SHOC1: variants seen among roughly 807,000 people sequenced by gnomAD.
The protein encoded by SHOC1 is shortage in chiasmata 1.
A neutral mutation model predicts 179.2 loss-of-function variants in SHOC1; 136 were observed. The ratio of observed to expected loss-of-function variants is 0.76; its 90% CI spans 0.66 to 0.87. SHOC1 has a LOEUF of 0.87. SHOC1 is among the 40% of genes least tolerant of loss of function. SHOC1 has a pLI of 0.00. For missense variants in SHOC1, 1,538 were observed against 1,700.8 expected (o/e 0.90, Z 1.68); for synonymous variants, 489 against 586.6 (o/e 0.83, Z 2.41).
In SHOC1 at chr9:111,713,176, G is replaced by C. The variant is rs1305987034; in HGVS notation, c.2416-4C>G. 6.8e-7 allele frequency: 1 copy of C among 1,478,710 alleles called. No individual in the cohort carries two copies. Among genetic ancestry groups the C allele is most frequent in the Non-Finnish European group, 9.3e-7 (1 of 1,078,180 alleles). The allele number at this position is 1,478,710 out of a possible 1,614,324, so 91.6% of individuals were successfully genotyped here. ...CCATTCTTATTATAATCAGTACCTAGTCAAAAATAAAAATTTCATATATAT... is the reference window on the plus strand; with the variant it reads ...CCATTCTTATTATAATCAGTACCTACTCAAAAATAAAAATTTCATATATAT... On this transcript the variant is annotated splice_region_variant and splice_polypyrimidine_tract_variant and intron_variant, in intron 17 of 27. Transcript: ENST00000682961.
At chr9:111,715,249 T>TAC (rs369573164) in intron 16 of SHOC1, among the ~76,000 whole-genome samples, 31 of 152,206 alleles carry the variant, frequency 2.0e-4, no homozygotes, top group African/African-American at 6.0e-4. Context: ...TCACCAGAGT[T>TAC]ACCACCAGAG....
intron 20 of SHOC1, among the ~76,000 whole-genome samples, 199 bp from the exon 21 acceptor site, chr9:111,705,563 A>G (rs1390999996): frequency 1.3e-5 from 2 of 151,984 alleles, no homozygotes; most frequent in African/African-American, 4.8e-5. Flanking sequence ...AAGTTAATAG[A>G]GTTTACTAAT....
chr9:111,763,031 A>G (rs1835203661), intron 5 of SHOC1, among the ~76,000 whole-genome samples: 1 of 152,110 alleles, frequency 6.6e-6, no homozygotes, highest in Admixed American at 6.5e-5. Context: ...TATACAAGCA[A>G]TAAACAAACT....
intron 22 of SHOC1, among the ~76,000 whole-genome samples, chr9:111,702,533 T>G (rs1371441683): frequency 1.3e-5 from 2 of 152,236 alleles, no homozygotes; most frequent in Non-Finnish European, 2.9e-5. Context: ...CAATTTTCTA[T>G]TGCCTTTGGA....
intron 12 of SHOC1, among the ~76,000 whole-genome samples, chr9:111,732,390 A>T (rs1188520643): frequency 1.3e-5 from 2 of 152,160 alleles, no homozygotes; most frequent in East Asian, 1.9e-4. Context: ...TTGAGACCCC[A>T]TCTCTAATTA....
intron 27 of SHOC1, among the ~76,000 whole-genome samples, 192 bp downstream of exon 27, chr9:111,691,359 G>T (rs1831412522): frequency 6.6e-6 from 1 of 151,992 alleles, no homozygotes; most frequent in African/African-American, 2.4e-5. Context: ...TCCACTTAAG[G>T]TTATAATAAT....
intron 16 of SHOC1, among the ~76,000 whole-genome samples, chr9:111,716,813 G>A (rs1000791643): frequency 3.0e-4 from 45 of 152,170 alleles, no homozygotes; most frequent in Non-Finnish European, 4.3e-4. Context: ...GCCCAACATG[G>A]TGCTATTCTT....
In SHOC1 at chr9:111,748,206, A is replaced by T. The variant is rs1834380340; in HGVS notation, c.863-7T>A. 1.3e-6 allele frequency: 2 copies of T among 1,579,172 alleles called. No homozygotes were observed. Among genetic ancestry groups the T allele is most frequent in the Non-Finnish European group, 1.7e-6 (2 of 1,149,502 alleles). ...CCATGCTTGTTAGTAAGATCTGAAA[A>T]GGAAGAAACTCTGTTATTAGCAAAT... On this transcript the variant is annotated splice_polypyrimidine_tract_variant and splice_region_variant and intron_variant, in intron 8 of 27. Coordinates refer to ENST00000682961, the MANE Select transcript of SHOC1 (RefSeq NM_001378211.1).
At chr9:111,690,899 CT>C (rs943386155) in intron 27 of SHOC1, among the ~76,000 whole-genome samples, 1 of 152,186 alleles carries the variant, frequency 6.6e-6, no homozygotes, top group Non-Finnish European at 1.5e-5. Context: ...CCGCCCTCCC[CT>C]TTTTCTCCTA....
chr9:111,743,040 AC>A (rs1224973509), intron 10 of SHOC1, among the ~76,000 whole-genome samples: 2 of 152,204 alleles, frequency 1.3e-5, no homozygotes, highest in African/African-American at 4.8e-5. Flanking sequence ...CTTATGCCAT[AC>A]AGACTTTTCT....
chr9:111,708,207 T>TTA (rs1427127071), intron 18 of SHOC1, among the ~76,000 whole-genome samples: 154 of 141,500 alleles, frequency 1.1e-3, no homozygotes, highest in African/African-American at 4.5e-3. Context: ...TATTTTTTAT[T>TTA]TTTTATTTTT....
intron 24 of SHOC1, 71 bp from the exon 25 acceptor site, chr9:111,694,433 T>G: frequency 8.8e-7 from 1 of 1,136,284 alleles, no homozygotes. Flanking sequence ...TTAAACAGTT[T>G]GTAATTAGAA....
At chr9:111,694,116 C>T (rs16916299) in intron 25 of SHOC1, 115 bp downstream of exon 25, 109,024 of 1,165,816 alleles carry the variant, frequency 0.094, 6,202 homozygotes, top group South Asian at 0.2. Flanking sequence ...TTTGTTATTG[C>T]ACCTACCACT....
chr9:111,761,718 A>G (rs1349122202), intron 5 of SHOC1, among the ~76,000 whole-genome samples: 2 of 152,202 alleles, frequency 1.3e-5, no homozygotes, highest in African/African-American at 2.4e-5. Context: ...TAAACAAAAG[A>G]GAAAATCATT....
intron 27 of SHOC1, among the ~76,000 whole-genome samples, chr9:111,690,788 C>T (rs1831391522): frequency 2.0e-5 from 3 of 152,094 alleles, no homozygotes; most frequent in Non-Finnish European, 4.4e-5. Flanking sequence ...AATTTGGGAG[C>T]CCTTTTTAAA....
chr9:111,783,526 A>G (rs1275710684), intron 3 of SHOC1: 1 of 152,166 alleles, frequency 6.6e-6, no homozygotes, highest in African/African-American at 2.4e-5. Context: ...TGATTTTCCT[A>G]TCTCGCTTCT....
intron 18 of SHOC1, among the ~76,000 whole-genome samples, chr9:111,709,585 T>C (rs184538477): frequency 6.6e-6 from 1 of 152,348 alleles, no homozygotes; most frequent in African/African-American, 2.4e-5. Flanking sequence ...CTCAAAATTT[T>C]TGTGTCAGTA....
rs61519358 is a variant in SHOC1 at position 111,760,507 on chromosome 9, G to C, written c.443-1659C>G. On this transcript the variant is annotated intron_variant, in intron 5 of 27. Transcript: ENST00000682961. ...CAGAAAAAGGTCTACTAATATGAAA[G>C]AAGAGAGGTTTATTCTTTACAAAGG... 6.3e-3 allele frequency among the ~76,000 whole-genome samples: 966 copies of C among 152,194 alleles called. 10 individuals are homozygous for C. Among genetic ancestry groups the C allele is most frequent in the African/African-American group, 0.022 (934 of 41,524 alleles).
intron 27 of SHOC1, among the ~76,000 whole-genome samples, chr9:111,690,041 A>G (rs1831357999): frequency 6.6e-6 from 1 of 152,196 alleles, no homozygotes; most frequent in South Asian, 2.1e-4. Context: ...TCCAAATGTG[A>G]TAAGGCACAA....
Sources: gnomAD v4.1 joint callset for allele counts (sites outside exome capture counted in the v4.1 genomes callset) on GRCh38, gnomAD v4.1.1 for gene constraint, MANE v1.5 for transcripts, NCBI Gene and HGNC (gene_info 2026-07-23, HGNC 2026-07-21) for gene names.